RNGTT: variants seen among roughly 807,000 people sequenced by gnomAD.
The protein encoded by RNGTT is mRNA-capping enzyme.
RNGTT carries 33 observed loss-of-function variants against 79.3 expected under a neutral mutation model. The ratio of observed to expected loss-of-function variants is 0.42; its 90% CI spans 0.32 to 0.56. The LOEUF is 0.56. Ranked by LOEUF, RNGTT falls within the 20% of genes least tolerant of loss-of-function variation. The pLI is 0.17. For missense variants in RNGTT, 497 were observed against 739.1 expected (o/e 0.67, Z 3.80); for synonymous variants, 222 against 235.9 (o/e 0.94, Z 0.54).
chr6:88,915,152 C>CTTA (rs1161387798), intron 4 of RNGTT, among the ~76,000 whole-genome samples: 1 of 152,128 alleles, frequency 6.6e-6, no homozygotes, highest in Non-Finnish European at 1.5e-5. Flanking sequence ...AAAGGGAATG[C>CTTA]TTATACACTG....
chr6:88,692,678 T>C (rs1181801319), intron 13 of RNGTT, among the ~76,000 whole-genome samples: 1 of 151,942 alleles, frequency 6.6e-6, no homozygotes, highest in Non-Finnish European at 1.5e-5. Flanking sequence ...AAGGAAAATT[T>C]TGGGGGTGAT....
chr6:88,726,053 T>A (rs574195763), intron 13 of RNGTT, among the ~76,000 whole-genome samples: 109 of 150,574 alleles, frequency 7.2e-4, no homozygotes, highest in African/African-American at 2.6e-3. Flanking sequence ...GATAGAGAGA[T>A]AGAAGTAGTA....
At chr6:88,895,469 G>A (rs1783208087) in intron 6 of RNGTT, among the ~76,000 whole-genome samples, 1 of 151,986 alleles carries the variant, frequency 6.6e-6, no homozygotes, top group African/African-American at 2.4e-5. Context: ...GGAATGTAAG[G>A]GGCCAAGCAC....
intron 8 of RNGTT, among the ~76,000 whole-genome samples, chr6:88,861,426 T>C (rs1191195275): frequency 4.6e-5 from 7 of 152,170 alleles, no homozygotes; most frequent in East Asian, 1.9e-4. Context: ...ATGCACACTT[T>C]GCCTGTTTCT....
chr6:88,826,529 A>G (rs1780660148), intron 11 of RNGTT, among the ~76,000 whole-genome samples: 1 of 152,070 alleles, frequency 6.6e-6, no homozygotes, highest in African/African-American at 2.4e-5. Context: ...TACACCTGTA[A>G]TCCCAGCACT....
intron 14 of RNGTT, among the ~76,000 whole-genome samples, chr6:88,677,546 A>T (rs1221191528): frequency 2.0e-5 from 3 of 152,106 alleles, no homozygotes; most frequent in Non-Finnish European, 2.9e-5. Context: ...GGCTCACTGC[A>T]ACCTTGACCT....
Position 88,907,581 on chromosome 6 carries a change from G to A in RNGTT, c.368-1141C>T, listed in dbSNP as rs1047261175. Among the ~76,000 whole-genome samples the A allele has an allele frequency of 3.9e-5, 6 of 152,146 alleles. No individual in the cohort carries two copies. In the East Asian group the frequency reaches 1.2e-3, roughly 29 times the overall value. On this transcript the variant is annotated intron_variant, in intron 4 of 15. Transcript: ENST00000369485. The stretch of plus-strand genomic sequence containing the variant: ...CTTCCTTCATAAATTACCCATTCTC[G>A]AGTAGTATCTTTATGTGAGAAGAGA...
intron 11 of RNGTT, among the ~76,000 whole-genome samples, chr6:88,827,836 T>C (rs1780722609): frequency 6.6e-6 from 1 of 152,144 alleles, no homozygotes; most frequent in South Asian, 2.1e-4. Flanking sequence ...GGACTGCCTC[T>C]CTAGATTCCT....
intron 14 of RNGTT, among the ~76,000 whole-genome samples, chr6:88,621,011 A>G (rs1772423828): frequency 6.6e-6 from 1 of 152,218 alleles, no homozygotes; most frequent in African/African-American, 2.4e-5. Context: ...AGTTGTTTGG[A>G]CATAAACACT....
chr6:88,624,965 A>C (rs1176347876), intron 14 of RNGTT, among the ~76,000 whole-genome samples: 1 of 151,932 alleles, frequency 6.6e-6, no homozygotes, highest in Non-Finnish European at 1.5e-5. Context: ...AAGCAAATAA[A>C]AATACTGTAT....
chr6:88,612,647 G>A lies in RNGTT; in HGVS notation c.*72C>T. 7.8e-7 allele frequency: 1 copy of A among 1,277,548 alleles called. No individual in the cohort carries two copies. Among genetic ancestry groups the A allele is most frequent in the Non-Finnish European group, 1.1e-6 (1 of 924,266 alleles). 79.1% of individuals were successfully genotyped at this position (1,277,548 alleles called of 1,614,324 possible). On this transcript the variant is annotated 3_prime_UTR_variant, in exon 16 of 16. Coordinates refer to ENST00000369485, the MANE Select transcript of RNGTT (RefSeq NM_003800.5). ...GCCACAGTCGTTTTTCAATTTCTCT[G>A]GCTACAAAAATGGGCAACAGCGTTT...
chr6:88,769,910 G>A (rs1453133748), intron 12 of RNGTT, 36 bp from the exon 13 acceptor site: 1 of 1,433,556 alleles, frequency 7.0e-7, no homozygotes, highest in Admixed American at 1.8e-5. Flanking sequence ...TCGTTACTAA[G>A]AAGTTAAAAA....
intron 11 of RNGTT, among the ~76,000 whole-genome samples, chr6:88,831,017 G>A (rs1340065926): frequency 6.6e-6 from 1 of 152,148 alleles, no homozygotes; most frequent in Non-Finnish European, 1.5e-5. Flanking sequence ...GTACAAAGAG[G>A]AGCTGGTACC....
chr6:88,663,869 C>T (rs77961142), intron 14 of RNGTT, among the ~76,000 whole-genome samples: 128 of 152,260 alleles, frequency 8.4e-4, no homozygotes, highest in East Asian at 7.3e-3. Flanking sequence ...TTACCTCTGC[C>T]GATCTCCTCA....
intron 14 of RNGTT, among the ~76,000 whole-genome samples, chr6:88,649,521 CCA>C (rs1773714129): frequency 1.3e-5 from 2 of 152,100 alleles, no homozygotes; most frequent in Non-Finnish European, 2.9e-5. Context: ...CACGGTGAAA[CCA>C]CGTCTTTAAT....
Position 88,836,042 on chromosome 6 carries a change from C to CATAT in RNGTT, c.1269+8311_1269+8314dup, listed in dbSNP as rs138214447. Among the ~76,000 whole-genome samples, 1,258 of 135,904 alleles carry CATAT rather than the reference C, an allele frequency of 9.3e-3. 7 individuals carry two copies. The highest frequency in any genetic ancestry group is 0.026 in the African/African-American group (966 of 36,922). 89.2% of individuals were successfully genotyped at this position (135,904 alleles called of 152,430 possible). A position where few individuals can be genotyped will look rare whatever the true frequency, so the allele number is the denominator to read the frequency against. ...CACACACATATATATATAAGATTTA[C>CATAT]ATATATATATATATATAAGATTTAC... is the stretch of plus-strand genomic sequence containing the variant. On this transcript the variant is annotated intron_variant, in intron 11 of 15. Coordinates refer to ENST00000369485, the MANE Select transcript of RNGTT (RefSeq NM_003800.5).
At position 88,963,426 on chromosome 6, in the gene RNGTT, G is replaced by A. The variant is rs1562098423; in HGVS notation, c.-17C>T. Reference sequence around the variant, plus strand: ...GTGAGCCATGTCTTGGGGCTGCGCAGAGCTGCCCTCCCTCACCAACGTTCA... The same window carrying A: ...GTGAGCCATGTCTTGGGGCTGCGCAAAGCTGCCCTCCCTCACCAACGTTCA... On this transcript the variant is annotated 5_prime_UTR_variant, in exon 1 of 16. Transcript: ENST00000369485. The A allele has an allele frequency of 1.3e-6, 2 of 1,564,040 alleles. No individual in the cohort carries two copies. The highest frequency in any genetic ancestry group is 2.4e-5 in the East Asian group (1 of 40,860).
At chr6:88,627,536 G>A (rs1428966319) in intron 14 of RNGTT, among the ~76,000 whole-genome samples, 7 of 152,096 alleles carry the variant, frequency 4.6e-5, no homozygotes, top group Non-Finnish European at 8.8e-5. Context: ...GAGACCTCAA[G>A]AGAACTGTCC....
At chr6:88,676,433 C>T (rs1774879015) in intron 14 of RNGTT, among the ~76,000 whole-genome samples, 1 of 151,512 alleles carries the variant, frequency 6.6e-6, no homozygotes. Flanking sequence ...TAAAAATTAC[C>T]TCAAATGGAC....
Sources: allele counts gnomAD v4.1 joint callset (sites outside exome capture counted in the v4.1 genomes callset), GRCh38; gene constraint gnomAD v4.1.1; transcripts MANE v1.5; gene names NCBI Gene and HGNC (gene_info 2026-07-23, HGNC 2026-07-21).